Variants in LOC128125817 observed in about 807,000 individuals in gnomAD.
the LOC128125817 span, among the ~76,000 whole-genome samples, chr1:41,619,147 A>C: frequency 5.9e-5 from 8 of 135,232 alleles, no homozygotes; most frequent in Non-Finnish European, 8.0e-5. Context: ...CCCCACCCCC[A>C]CTCCTCCAGC....
chr1:41,623,117 T>C, the LOC128125817 span, among the ~76,000 whole-genome samples: 1 of 152,198 alleles, frequency 6.6e-6, no homozygotes, highest in Non-Finnish European at 1.5e-5. Flanking sequence ...CAAGCATGTT[T>C]TTGGCAACAG....
the LOC128125817 span, among the ~76,000 whole-genome samples, chr1:41,588,810 C>T: frequency 1.3e-5 from 2 of 152,092 alleles, no homozygotes; most frequent in Non-Finnish European, 2.9e-5. Flanking sequence ...GGGTGGCTAG[C>T]CCAAGCCACA....
the LOC128125817 span, among the ~76,000 whole-genome samples, chr1:41,596,424 ATGGGT>A: frequency 1.3e-5 from 2 of 152,058 alleles, no homozygotes; most frequent in Admixed American, 1.3e-4. Context: ...TGCTAATCCA[ATGGGT>A]CAAACAGTGC....
the LOC128125817 span, among the ~76,000 whole-genome samples, chr1:41,610,554 C>T: frequency 3.9e-5 from 6 of 152,148 alleles, no homozygotes; most frequent in African/African-American, 7.2e-5. Context: ...CAGAGAGGGA[C>T]GGTTCCTGCA....
the LOC128125817 span, among the ~76,000 whole-genome samples, chr1:41,611,976 C>T: frequency 6.6e-6 from 1 of 152,088 alleles, no homozygotes; most frequent in Non-Finnish European, 1.5e-5. Flanking sequence ...TTCTTGATGG[C>T]CCAGGCTTTT....
chr1:41,624,062 C>T, the LOC128125817 span, among the ~76,000 whole-genome samples: 1 of 152,176 alleles, frequency 6.6e-6, no homozygotes, highest in African/African-American at 2.4e-5. Context: ...ACTTCCCAAG[C>T]CTCAGCAGAA....
the LOC128125817 span, among the ~76,000 whole-genome samples, chr1:41,593,797 G>A: frequency 0.027 from 4,142 of 152,328 alleles, 256 homozygotes; most frequent in Admixed American, 0.16. Flanking sequence ...TATAGTTCGA[G>A]TGGTCAGACG....
At chr1:41,591,276 G>T in the LOC128125817 span, among the ~76,000 whole-genome samples, 1 of 152,182 alleles carries the variant, frequency 6.6e-6, no homozygotes, top group East Asian at 1.9e-4. Context: ...GAATTCGGAG[G>T]TCAAAGCAGG....
At chr1:41,607,231 T>C in the LOC128125817 span, among the ~76,000 whole-genome samples, 1 of 152,218 alleles carries the variant, frequency 6.6e-6, no homozygotes, top group Admixed American at 6.5e-5. Context: ...AGTTGATGGA[T>C]ACTGAACCTC....
the LOC128125817 span, among the ~76,000 whole-genome samples, chr1:41,600,166 C>T: frequency 6.6e-6 from 1 of 152,096 alleles, no homozygotes; most frequent in African/African-American, 2.4e-5. Flanking sequence ...GGTAGTTCCT[C>T]AAAAAATAAA....
chr1:41,616,708 A>C, the LOC128125817 span, among the ~76,000 whole-genome samples: 1 of 146,050 alleles, frequency 6.8e-6, no homozygotes, highest in Non-Finnish European at 1.5e-5. Flanking sequence ...CCGCCTTAGC[A>C]TCTTGAGTAT....
At chr1:41,610,342 T>A in the LOC128125817 span, among the ~76,000 whole-genome samples, 1 of 152,352 alleles carries the variant, frequency 6.6e-6, no homozygotes, top group Admixed American at 6.5e-5. Flanking sequence ...CTTGTGGTAA[T>A]GTATTTGTTT....
chr1:41,623,018 G>A, the LOC128125817 span, among the ~76,000 whole-genome samples: 378 of 152,286 alleles, frequency 2.5e-3, 6 homozygotes, highest in African/African-American at 8.3e-3. Flanking sequence ...CCAAGGTCAC[G>A]CAGCCAGTAT....
chr1:41,599,558 G>A, the LOC128125817 span, among the ~76,000 whole-genome samples: 3 of 152,242 alleles, frequency 2.0e-5, no homozygotes, highest in East Asian at 1.9e-4. Flanking sequence ...GGCAGTCAAC[G>A]CACCTGAAAA....
At chr1:41,624,518 G>C in the LOC128125817 span, among the ~76,000 whole-genome samples, 1 of 152,146 alleles carries the variant, frequency 6.6e-6, no homozygotes, top group East Asian at 1.9e-4. Context: ...CTTCAGTTAG[G>C]AAGAGTGGAG....
the LOC128125817 span, among the ~76,000 whole-genome samples, chr1:41,587,603 A>G: frequency 1.3e-5 from 2 of 152,222 alleles, no homozygotes; most frequent in Non-Finnish European, 2.9e-5. Flanking sequence ...TGGGTGTCTC[A>G]TACATACTTT....
At chr1:41,613,341 G>A in the LOC128125817 span, among the ~76,000 whole-genome samples, 2 of 152,192 alleles carry the variant, frequency 1.3e-5, no homozygotes, top group Non-Finnish European at 2.9e-5. Context: ...CGCGTGGGGC[G>A]GGTCTCGTGA....
the LOC128125817 span, among the ~76,000 whole-genome samples, chr1:41,598,908 T>C: frequency 1.3e-5 from 2 of 152,138 alleles, no homozygotes; most frequent in South Asian, 2.1e-4. Flanking sequence ...CTCCACCTCC[T>C]GGGCTCAGGT....
chr1:41,587,008 A>G, the LOC128125817 span, among the ~76,000 whole-genome samples: 13,747 of 152,148 alleles, frequency 0.09, 682 homozygotes, highest in Middle Eastern at 0.18. Context: ...TGGTGTTTCT[A>G]TAATTCAGCT....
Sources: gnomAD v4.1 joint callset for allele counts (sites outside exome capture counted in the v4.1 genomes callset) on GRCh38, gnomAD v4.1.1 for gene constraint, MANE v1.5 for transcripts.